The following CARS1 variants were observed in gnomAD, a reference collection of about 807,000 sequenced individuals.
CARS1 encodes the protein cysteinyl-tRNA synthetase 1.
In CARS1, 48 loss-of-function variants were observed where a neutral mutation model predicts 106.2. The ratio of observed to expected loss-of-function variants is 0.45; its 90% CI spans 0.36 to 0.57. The LOEUF (loss-of-function observed/expected upper bound fraction) is 0.57, where lower values mean the gene tolerates loss of function less well. Ranked by LOEUF, CARS1 falls within the 20% of genes least tolerant of loss-of-function variation. CARS1 has a pLI of 0.00. For synonymous variants in CARS1, 409 were observed against 403.4 expected (o/e 1.01, Z -0.17); for missense variants, 968 against 1,057.2 (o/e 0.92, Z 1.17).
At chr11:3,042,317 T>G (rs1315419682) in intron 2 of CARS1, 61 bp from the exon 3 acceptor site, 1 of 1,232,592 alleles carries the variant, frequency 8.1e-7, no homozygotes, top group African/African-American at 1.5e-5. Context: ...GCAAGTCGCC[T>G]CTTCACCTGG....
chr11:3,011,600 T>C (rs1369597510), intron 18 of CARS1, among the ~76,000 whole-genome samples: 2 of 151,682 alleles, frequency 1.3e-5, no homozygotes, highest in Non-Finnish European at 2.9e-5. Context: ...GGAGACAGAG[T>C]GAGACTCCAT....
At chr11:3,035,503 A>G (rs1853502842) in intron 7 of CARS1, among the ~76,000 whole-genome samples, 1 of 152,092 alleles carries the variant, frequency 6.6e-6, no homozygotes, top group African/African-American at 2.4e-5. Flanking sequence ...TTTTTTTTTA[A>G]GAGTCTGGGT....
intron 17 of CARS1, 150 bp downstream of exon 17, chr11:3,015,631 C>G (rs1850909749): frequency 1.4e-6 from 1 of 704,592 alleles, no homozygotes; most frequent in Non-Finnish European, 2.5e-6. Context: ...TTAGCACTCT[C>G]AGAGCCAGAA....
rs1193802303 is a variant in CARS1, at chr11:3,006,802, C to T, written c.2149+77G>A. On this transcript the variant is annotated intron_variant, in intron 19 of 22. Transcript: ENST00000380525. ...GCAATCATGAAGCATGAGCCTCAGC[C>T]CAGCCCCGGGAGCTCTCCTTGTGAC... The T allele has an allele frequency of 5.2e-6, 6 of 1,159,178 alleles. No homozygotes were observed. The Admixed American group carries it at 6.8e-5, about 13-fold the overall frequency. 71.8% of individuals were successfully genotyped at this position (1,159,178 alleles called of 1,614,324 possible). A position where few individuals can be genotyped will look rare whatever the true frequency, so the allele number is the denominator to read the frequency against.
chr11:3,017,012 G>C lies in CARS1; in HGVS notation c.1917+94C>G. On this transcript the variant is annotated intron_variant, in intron 16 of 22. Transcript: ENST00000380525. This position sits in a 1 kb window ranked among gnomAD's most constrained non-coding sequence, Gnocchi z 4.9. ...GGTGCTGGGCACCAGGCACAGCACT[G>C]GGGGGCACCAGAGGCCTCTGTTCTC... 2 of 1,048,186 alleles carry C rather than the reference G, an allele frequency of 1.9e-6. No homozygotes were observed. Among genetic ancestry groups the C allele is most frequent in the Non-Finnish European group, 2.8e-6 (2 of 719,924 alleles). 64.9% of individuals were successfully genotyped at this position (1,048,186 alleles called of 1,614,324 possible). A position where few individuals can be genotyped will look rare whatever the true frequency, so the allele number is the denominator to read the frequency against.
At chr11:3,014,082 T>C (rs1850760054) in intron 17 of CARS1, among the ~76,000 whole-genome samples, 1 of 151,996 alleles carries the variant, frequency 6.6e-6, no homozygotes, top group African/African-American at 2.4e-5. Flanking sequence ...TCGATCTGTA[T>C]CTCCACCCAC....
In CARS1 at chr11:3,039,214, C is replaced by T; in HGVS notation, c.631G>A (p.Asp211Asn). The T allele has an allele frequency of 6.2e-7, 1 of 1,612,972 alleles. No homozygotes were observed. Among genetic ancestry groups the T allele is most frequent in the South Asian group, 1.1e-5 (1 of 91,022 alleles). ...KRPEAAQLLE[D>N]VQAALKPFSV... ...CCCACCTTCAGGGCGGCCTGAACAT[C>T]CTCCAAGAGCTGTGCCGCTTCAGGC... The change falls in exon 6 of 23, where the codon GAT becomes AAT. Residue 211 changes from aspartate to asparagine, a missense_variant. Asp to Asn is a conservative substitution (Grantham distance 23). Transcript: ENST00000380525. The surrounding 1 kb of genome is among the most constrained non-coding windows in gnomAD (Gnocchi z 5.6).
intron 18 of CARS1, among the ~76,000 whole-genome samples, chr11:3,010,701 G>A (rs755980238): frequency 2.0e-5 from 3 of 152,300 alleles, no homozygotes; most frequent in South Asian, 4.1e-4. Context: ...CCGAGCTCCC[G>A]AAACTCTTTC....
At chr11:3,049,087 TTTTTTA>T (rs1309723624) in intron 1 of CARS1, among the ~76,000 whole-genome samples, 2 of 144,314 alleles carry the variant, frequency 1.4e-5, no homozygotes, top group African/African-American at 2.6e-5. Flanking sequence ...CCATTCTCCC[TTTTTTA>T]TTTTTATTTA....
intron 2 of CARS1, 72 bp from the exon 3 acceptor site, chr11:3,042,328 A>AGGC: frequency 2.8e-6 from 3 of 1,082,740 alleles, no homozygotes; most frequent in Non-Finnish European, 4.1e-6. Context: ...CTTCACCTGG[A>AGGC]GACTTGGTTT....
chr11:3,014,368 G>T (rs1850783076), intron 17 of CARS1, among the ~76,000 whole-genome samples: 1 of 152,230 alleles, frequency 6.6e-6, no homozygotes, highest in African/African-American at 2.4e-5. Flanking sequence ...AAATGGCCAT[G>T]ATGTGTGGGC....
At chr11:3,015,254 AG>A (rs761847728) in intron 17 of CARS1, among the ~76,000 whole-genome samples, 55 of 152,336 alleles carry the variant, frequency 3.6e-4, no homozygotes, top group Admixed American at 9.1e-4. Context: ...GCTCTGGGGC[AG>A]GGGGTCCTGG....
In CARS1 at chr11:3,028,129, CCT is replaced by C. The variant is rs1284337078; in HGVS notation, c.1031+865_1031+866del. ...TATGCAGAAATAATGGCGTAAGCTG[CCT>C]CTCTCTGTCTCCTCTCTCTCTCTGC... On this transcript the variant is annotated intron_variant, in intron 9 of 22. Transcript: ENST00000380525. The surrounding 1 kb of genome is among the most constrained non-coding windows in gnomAD (Gnocchi z 4.4). The C allele has an allele frequency of 3.8e-5, 11 of 291,314 alleles. No homozygotes were observed. Among genetic ancestry groups the C allele is most frequent in the South Asian group, 1.8e-4 (6 of 32,526 alleles). The allele number at this position is 291,314 out of a possible 1,614,324, so 18.0% of individuals were successfully genotyped here. A position where few individuals can be genotyped will look rare whatever the true frequency, so the allele number is the denominator to read the frequency against.
rs1449808787 is a variant in CARS1, at chr11:3,040,090, G to C, written c.456-159C>G. On this transcript the variant is annotated intron_variant, in intron 4 of 22. Coordinates refer to ENST00000380525, the MANE Select transcript of CARS1 (RefSeq NM_001014437.3). This position sits in a 1 kb window ranked among gnomAD's most constrained non-coding sequence, Gnocchi z 5.8. ...CCTTCTCCTCCTCAGTCTACTCAAC[G>C]TGAAGATGGCAAGGATGATGACCTT... The C allele has an allele frequency of 3.6e-6, 2 of 551,472 alleles. No individual in the cohort carries two copies. The highest frequency in any genetic ancestry group is 3.1e-5 in the East Asian group (1 of 31,774). The allele number at this position is 551,472 out of a possible 1,614,324, so 34.2% of individuals were successfully genotyped here.
At chr11:3,012,069 T>C in intron 18 of CARS1, 126 bp downstream of exon 18, 1 of 843,386 alleles carries the variant, frequency 1.2e-6, no homozygotes, top group East Asian at 2.5e-5. Context: ...CACCCTGTGG[T>C]GCACGGGGCA....
chr11:3,048,133 TC>T lies in CARS1; in HGVS notation c.26-133del. 8.8e-7 allele frequency: 1 copy of T among 1,131,598 alleles called. No homozygotes were observed. The highest frequency in any genetic ancestry group is 1.2e-6 in the Non-Finnish European group (1 of 814,458). 70.1% of individuals were successfully genotyped at this position (1,131,598 alleles called of 1,614,324 possible). Reference sequence around the variant, plus strand: ...CAAGCCCTTCCCTGGACGCCAAACATCCAGAACAGGCAAAGGCACAGGGGCA... The same window carrying T: ...CAAGCCCTTCCCTGGACGCCAAACATCAGAACAGGCAAAGGCACAGGGGCA... On this transcript the variant is annotated intron_variant, in intron 1 of 22. Transcript: ENST00000380525. This position sits in a 1 kb window ranked among gnomAD's most constrained non-coding sequence, Gnocchi z 5.1.
At position 3,018,106 on chromosome 11, in the gene CARS1, C is replaced by T. The variant is rs116649713; in HGVS notation, c.1630-152G>A. The stretch of plus-strand genomic sequence containing the variant: ...GTCAGAAAGAAAGGAAAAGATATTT[C>T]TTTGACAGAAACATGCTCTTGCTTT... On this transcript the variant is annotated intron_variant, in intron 14 of 22. Coordinates refer to ENST00000380525, the MANE Select transcript of CARS1 (RefSeq NM_001014437.3). 1,290 of 629,366 alleles carry T rather than the reference C, an allele frequency of 2.0e-3. 13 individuals are homozygous for T. The African/African-American group carries it at 0.021, about 10-fold the overall frequency. 39.0% of individuals were successfully genotyped at this position (629,366 alleles called of 1,614,324 possible).
chr11:3,012,358 CACAGGGCAGGG>C (rs1850565488), intron 17 of CARS1, 82 bp from the exon 18 acceptor site: 3 of 1,237,594 alleles, frequency 2.4e-6, no homozygotes, highest in Non-Finnish European at 3.6e-6. Flanking sequence ...GTGGCCGCGA[CACAGGGCAGGG>C]ACTGGCATGG....
Position 3,053,084 on chromosome 11 carries a change from C to T in CARS1, c.25+4259G>A, listed in dbSNP as rs1855851770. On this transcript the variant is annotated intron_variant, in intron 1 of 22. Coordinates refer to ENST00000380525, the MANE Select transcript of CARS1 (RefSeq NM_001014437.3). This position sits in a 1 kb window ranked among gnomAD's most constrained non-coding sequence, Gnocchi z 6.6. ...ATTTATTGAAATCACATGCAAGTACCAAGCAATTGCTCAGCACAGATACCA... is the reference window on the plus strand; with the variant it reads ...ATTTATTGAAATCACATGCAAGTACTAAGCAATTGCTCAGCACAGATACCA... Among the ~76,000 whole-genome samples the T allele has an allele frequency of 1.3e-5, 2 of 152,184 alleles. No homozygotes were observed. Among genetic ancestry groups the T allele is most frequent in the Non-Finnish European group, 2.9e-5 (2 of 68,040 alleles).
Sources: gnomAD v4.1 joint callset for allele counts (sites outside exome capture counted in the v4.1 genomes callset) on GRCh38, gnomAD v4.1.1 for gene constraint, Gnocchi (gnomAD v3.1) non-coding constraint, MANE v1.5 for transcripts, NCBI Gene and HGNC (gene_info 2026-07-23, HGNC 2026-07-21) for gene names.